NAALADL2: variants seen among roughly 807,000 people sequenced by gnomAD.
NAALADL2 encodes N-acetylated alpha-linked acidic dipeptidase like 2.
NAALADL2 carries 76 observed loss-of-function variants against 87.2 expected under a neutral mutation model. The observed-to-expected ratio is 0.87, with a 90% confidence interval of 0.72 to 1.05. NAALADL2 has a LOEUF of 1.05. NAALADL2 is among the 50% of genes least tolerant of loss of function. NAALADL2 has a pLI of 0.00. For synonymous variants in NAALADL2, 354 were observed against 331.0 expected (o/e 1.07, Z -0.75); for missense variants, 1,089 against 945.8 (o/e 1.15, Z -1.99).
chr3:174,997,836 C>CAAA lies in NAALADL2; in HGVS notation c.44-98952_44-98951insAAA, dbSNP rs201994774. Reference sequence around the variant, plus strand: ...TGTCTCAAAAAAACCAAAAAGCAAACAACAACAACAACAACAACAACAACA... The same window carrying CAAA: ...TGTCTCAAAAAAACCAAAAAGCAAACAAAAACAACAACAACAACAACAACAACA... On this transcript the variant is annotated intron_variant, in intron 1 of 13. Coordinates refer to ENST00000454872, the MANE Select transcript of NAALADL2 (RefSeq NM_207015.3). Among the ~76,000 whole-genome samples, 77 of 135,144 alleles carry CAAA rather than the reference C, an allele frequency of 5.7e-4. 1 individual carries two copies. Among genetic ancestry groups the CAAA allele is most frequent in the African/African-American group, 2.2e-3 (59 of 27,242 alleles). The allele number at this position is 135,144 out of a possible 152,430, so 88.7% of individuals were successfully genotyped here.
intron 2 of NAALADL2, among the ~76,000 whole-genome samples, chr3:175,176,373 A>C (rs2108953726): frequency 6.6e-6 from 1 of 152,224 alleles, no homozygotes; most frequent in South Asian, 2.1e-4. Context: ...GCAGTCTTTC[A>C]AGATGATATA....
At chr3:174,655,477 T>G (rs1008668257) in intron 2 of NAALADL2, among the ~76,000 whole-genome samples, 4 of 151,926 alleles carry the variant, frequency 2.6e-5, no homozygotes, top group Admixed American at 6.6e-5. Flanking sequence ...ATATGTATCC[T>G]CTCAAAGATG....
intron 13 of NAALADL2, among the ~76,000 whole-genome samples, chr3:175,791,361 C>G (rs1752755491): frequency 1.3e-5 from 2 of 152,152 alleles, no homozygotes; most frequent in Non-Finnish European, 2.9e-5. Context: ...GGGCATATGT[C>G]TCCCCACAGA....
intron 1 of NAALADL2, among the ~76,000 whole-genome samples, chr3:175,020,459 T>C (rs1271231807): frequency 2.0e-5 from 3 of 152,080 alleles, no homozygotes; most frequent in African/African-American, 7.2e-5. Flanking sequence ...TCTTATTATC[T>C]CCTAATTGTA....
At chr3:174,559,682 A>G (rs9822073) in intron 2 of NAALADL2, among the ~76,000 whole-genome samples, 82,401 of 152,010 alleles carry the variant, frequency 0.54, 23,642 homozygotes, top group East Asian at 0.79. Flanking sequence ...TTCTTTGTTA[A>G]AGACTGACAT....
At chr3:175,630,305 G>C (rs913609456) in intron 11 of NAALADL2, among the ~76,000 whole-genome samples, 1 of 151,620 alleles carries the variant, frequency 6.6e-6, no homozygotes, top group Non-Finnish European at 1.5e-5. Flanking sequence ...TTCTATCTTG[G>C]CTACAAAATT....
At chr3:175,587,040 A>G (rs1720635447) in intron 10 of NAALADL2, among the ~76,000 whole-genome samples, 1 of 152,176 alleles carries the variant, frequency 6.6e-6, no homozygotes, top group South Asian at 2.1e-4. Context: ...CTTTGGTGAA[A>G]GGATGGTCCC....
At chr3:175,371,005 A>C (rs1162607826) in intron 5 of NAALADL2, among the ~76,000 whole-genome samples, 1 of 152,174 alleles carries the variant, frequency 6.6e-6, no homozygotes, top group African/African-American at 2.4e-5. Flanking sequence ...GTTGATTAAA[A>C]ATGAGAATCA....
At chr3:175,796,116 T>A (rs372112589) in intron 13 of NAALADL2, among the ~76,000 whole-genome samples, 1 of 5,726 alleles carries the variant, frequency 1.7e-4, no homozygotes, top group African/African-American at 6.2e-4. Flanking sequence ...AGAGGCAGGG[T>A]GGGTGGGGGG....
intron 10 of NAALADL2, among the ~76,000 whole-genome samples, chr3:175,588,195 A>G (rs1160532509): frequency 6.6e-6 from 1 of 152,122 alleles, no homozygotes; most frequent in South Asian, 2.1e-4. Context: ...ACCTGATCCA[A>G]TGCCTTAATC....
intron 11 of NAALADL2, among the ~76,000 whole-genome samples, chr3:175,657,242 A>G (rs532174131): frequency 1.1e-3 from 165 of 152,320 alleles, no homozygotes; most frequent in African/African-American, 3.8e-3. Flanking sequence ...TGAATACACT[A>G]TTAATATAAC....
intron 3 of NAALADL2, among the ~76,000 whole-genome samples, chr3:174,839,243 A>G (rs1441070745): frequency 3.9e-5 from 6 of 152,164 alleles, no homozygotes. Flanking sequence ...TAAAGTGGGC[A>G]AAGGGCACCC....
At chr3:175,299,965 A>G (rs1441980327) in intron 4 of NAALADL2, among the ~76,000 whole-genome samples, 11 of 152,218 alleles carry the variant, frequency 7.2e-5, no homozygotes, top group Non-Finnish European at 1.5e-4. Context: ...TGGTCCATCA[A>G]TACATAGTTT....
chr3:175,238,345 G>T (rs148801855), intron 3 of NAALADL2, among the ~76,000 whole-genome samples: 126 of 152,224 alleles, frequency 8.3e-4, no homozygotes, highest in African/African-American at 3.0e-3. Flanking sequence ...AACTGTAGAT[G>T]TAGAAATATA....
intron 1 of NAALADL2, among the ~76,000 whole-genome samples, chr3:174,932,976 G>A (rs1180147366): frequency 4.6e-5 from 7 of 152,162 alleles, no homozygotes; most frequent in African/African-American, 7.2e-5. Flanking sequence ...AATTAGCTGG[G>A]TGTGGTGGCA....
At position 175,605,562 on chromosome 3, in the gene NAALADL2, A is replaced by T. The variant is rs534614826; in HGVS notation, c.1801-21729A>T. Among the ~76,000 whole-genome samples, 4 of 151,798 alleles carry T rather than the reference A, an allele frequency of 2.6e-5. No homozygotes were observed. The South Asian group carries it at 8.3e-4, about 32-fold the overall frequency. On this transcript the variant is annotated intron_variant, in intron 10 of 13. Transcript: ENST00000454872. ...GCTTATTTGCCTCCTCTTTCAATGT[A>T]AGCATATGTTTTACTCTTCCTCCTT...
chr3:175,441,664 C>G (rs946634900), intron 5 of NAALADL2, among the ~76,000 whole-genome samples: 1 of 99,926 alleles, frequency 1.0e-5, no homozygotes, highest in Non-Finnish European at 2.0e-5. Context: ...TAGCAAGGAT[C>G]TCATGTTCAC....
At chr3:175,111,576 TAAAAG>T (rs1398039864) in intron 2 of NAALADL2, among the ~76,000 whole-genome samples, 4 of 151,610 alleles carry the variant, frequency 2.6e-5, no homozygotes, top group Non-Finnish European at 1.5e-5. Context: ...TTTAGGAAAA[TAAAAG>T]AAACAAAATT....
intron 2 of NAALADL2, among the ~76,000 whole-genome samples, chr3:175,227,506 C>T (rs529369781): frequency 7.2e-5 from 11 of 152,038 alleles, no homozygotes; most frequent in African/African-American, 2.6e-4. Context: ...AGGTTATACC[C>T]TTCAATTTTT....
Sources: allele counts gnomAD v4.1 joint callset (sites outside exome capture counted in the v4.1 genomes callset), GRCh38; gene constraint gnomAD v4.1.1; transcripts MANE v1.5; gene names NCBI Gene and HGNC (gene_info 2026-07-23, HGNC 2026-07-21).